DIAPH2: variants seen among roughly 807,000 people sequenced by gnomAD.
The protein encoded by DIAPH2 is protein diaphanous homolog 2.
DIAPH2 carries 35 observed loss-of-function variants against 92.7 expected under a neutral mutation model. The ratio of observed to expected loss-of-function variants is 0.38; its 90% CI spans 0.29 to 0.50. The LOEUF is 0.50. Among genes scored for constraint, DIAPH2 ranks in the 20% least tolerant of loss-of-function variants. The probability of loss-of-function intolerance (pLI) is 0.94; values close to 1 mark genes in which losing one functional copy is unlikely to be tolerated. For missense variants in DIAPH2, 701 were observed against 819.5 expected (o/e 0.86, Z 1.77); for synonymous variants, 301 against 280.4 (o/e 1.07, Z -0.73).
intron 22 of DIAPH2, among the ~76,000 whole-genome samples, chrX:97,230,783 G>A (rs2068003414): frequency 8.9e-6 from 1 of 112,057 alleles, no homozygotes; most frequent in South Asian, 3.7e-4. Context: ...CTGACCTCAG[G>A]CGATCCACCC....
chrX:96,738,847 G>A (rs1456505608), intron 3 of DIAPH2, 85 bp downstream of exon 3: 7 of 746,667 alleles, frequency 9.4e-6, no homozygotes, highest in Non-Finnish European at 1.2e-5. Flanking sequence ...TGTTTGTATG[G>A]ACAGTGTTTA....
At chrX:97,500,523 C>T (rs190601255) in intron 26 of DIAPH2, among the ~76,000 whole-genome samples, 1 of 109,905 alleles carries the variant, frequency 9.1e-6, no homozygotes, top group Admixed American at 9.8e-5. Context: ...AAGTCTCCAA[C>T]ATTGTCCTTA....
chrX:97,174,943 C>T (rs1316980981), intron 22 of DIAPH2, among the ~76,000 whole-genome samples: 1 of 111,244 alleles, frequency 9.0e-6, no homozygotes, highest in Non-Finnish European at 1.9e-5. Flanking sequence ...TAACGATATG[C>T]CATGTCTGTG....
chrX:97,345,803 T>C (rs1349345201), intron 23 of DIAPH2, among the ~76,000 whole-genome samples: 1 of 111,555 alleles, frequency 9.0e-6, no homozygotes, highest in Non-Finnish European at 1.9e-5. Flanking sequence ...AACATTCTTA[T>C]CTATGACAAT....
Position 96,771,536 on chromosome X carries a change from T to C in DIAPH2, c.447+13278T>C, listed in dbSNP as rs193103173. Among the ~76,000 whole-genome samples, 73 of 111,785 alleles carry C rather than the reference T, an allele frequency of 6.5e-4. No individual in the cohort carries two copies. In the East Asian group the frequency reaches 0.018, roughly 28 times the overall value. ...TGTAGAATGAGGTAATTATATGATG[T>C]CTTTTTTTGTGTGTTTTTGTTGTTA... On this transcript the variant is annotated intron_variant, in intron 4 of 26. Transcript: ENST00000324765.
chrX:97,369,837 T>TC (rs900017628), intron 24 of DIAPH2, among the ~76,000 whole-genome samples: 1 of 110,743 alleles, frequency 9.0e-6, no homozygotes, highest in Non-Finnish European at 1.9e-5. Flanking sequence ...AAGAATCTGT[T>TC]CCCCATACTG....
At chrX:97,075,385 T>A (rs1297773353) in intron 19 of DIAPH2, 124 bp downstream of exon 19, 1 of 369,574 alleles carries the variant, frequency 2.7e-6, no homozygotes, top group African/African-American at 2.6e-5. Flanking sequence ...TTGAATAGTT[T>A]AATAAAATCA....
At chrX:96,714,266 T>G (rs1002827348) in intron 1 of DIAPH2, among the ~76,000 whole-genome samples, 4 of 93,493 alleles carry the variant, frequency 4.3e-5, no homozygotes, top group Non-Finnish European at 8.7e-5. Context: ...TGTGTGTGTG[T>G]TTTTTTTTTT....
chrX:96,906,083 G>C (rs1361538202), intron 5 of DIAPH2, among the ~76,000 whole-genome samples: 2 of 112,393 alleles, frequency 1.8e-5, no homozygotes, highest in Non-Finnish European at 3.8e-5. Flanking sequence ...CAGCCGAGAT[G>C]GTGCCACTGC....
chrX:96,916,553 G>C lies in DIAPH2; in HGVS notation c.848G>C (p.Cys283Ser), dbSNP rs1193748766. The C allele has an allele frequency of 8.4e-7, 1 of 1,197,598 alleles. No individual in the cohort carries two copies. The highest frequency in any genetic ancestry group is 1.1e-6 in the Non-Finnish European group (1 of 889,673). Residue 283 changes from cysteine to serine, a missense_variant, in exon 8 of 27, where the codon TGC becomes TCC. By Grantham distance (112) the Cys-to-Ser change is moderately radical (BLOSUM62 -1). Coordinates refer to ENST00000324765, the MANE Select transcript of DIAPH2 (RefSeq NM_006729.5). ...ATAGTAAAAATACTTTCTGCTATTT[G>C]CATTGTTGGAGAAGAGAACATGTAA... ...TEIVKILSAI[C>S]IVGEENILDK...
chrX:97,564,548 C>G (rs1376016418), intron 26 of DIAPH2: 1 of 111,745 alleles, frequency 8.9e-6, no homozygotes, highest in South Asian at 3.8e-4. Context: ...AGGGAGCTCT[C>G]TAAGGCCTCT....
intron 26 of DIAPH2, among the ~76,000 whole-genome samples, chrX:97,481,233 T>A (rs1397924405): frequency 8.9e-6 from 1 of 112,061 alleles, no homozygotes; most frequent in Admixed American, 9.6e-5. Flanking sequence ...TGACACTTGT[T>A]AAATATGGTA....
chrX:97,574,911 A>T (rs2071391657), intron 26 of DIAPH2, among the ~76,000 whole-genome samples: 2 of 111,817 alleles, frequency 1.8e-5, no homozygotes, highest in African/African-American at 6.5e-5. Flanking sequence ...ATAGGGATCT[A>T]TTATAAGAGC....
At chrX:97,098,951 T>G (rs890106976) in intron 19 of DIAPH2, among the ~76,000 whole-genome samples, 12 of 112,300 alleles carry the variant, frequency 1.1e-4, no homozygotes, top group African/African-American at 3.6e-4. Context: ...TAGGATTGTA[T>G]TGTGTACTTA....
intron 17 of DIAPH2, among the ~76,000 whole-genome samples, chrX:96,975,933 G>A (rs915789608): frequency 3.6e-5 from 4 of 110,775 alleles, no homozygotes; most frequent in Non-Finnish European, 5.7e-5. Flanking sequence ...ATTTAAGGGG[G>A]ACATAAACCT....
intron 23 of DIAPH2, among the ~76,000 whole-genome samples, chrX:97,318,784 C>G (rs974692003): frequency 1.2e-4 from 13 of 110,725 alleles, no homozygotes; most frequent in Non-Finnish European, 2.3e-4. Context: ...CACGCCCGGC[C>G]GATTACAGTT....
intron 5 of DIAPH2, among the ~76,000 whole-genome samples, chrX:96,888,662 T>C (rs2065286560): frequency 1.9e-5 from 2 of 102,863 alleles, no homozygotes; most frequent in African/African-American, 7.1e-5. Context: ...TTACCATGTA[T>C]ATACAGATAT....
At chrX:97,022,310 C>A (rs189905751) in intron 17 of DIAPH2, among the ~76,000 whole-genome samples, 1 of 112,255 alleles carries the variant, frequency 8.9e-6, no homozygotes, top group East Asian at 2.8e-4. Context: ...GCTGCTTTCA[C>A]TGTTGACAGT....
rs149136063 is a variant in DIAPH2, at chrX:97,572,335, C to T, written c.3242-26918C>T. Reference sequence around the variant, plus strand: ...AATGCCTTCTTTTCCTGTAGATAAACGTATAACTTTTCAATAATCATTAAT... The same window carrying T: ...AATGCCTTCTTTTCCTGTAGATAAATGTATAACTTTTCAATAATCATTAAT... On this transcript the variant is annotated intron_variant, in intron 26 of 26. Coordinates refer to ENST00000324765, the MANE Select transcript of DIAPH2 (RefSeq NM_006729.5). 1.7e-4 allele frequency among the ~76,000 whole-genome samples: 19 copies of T among 111,120 alleles called. No homozygotes were observed. The East Asian group carries it at 4.3e-3, about 25-fold the overall frequency.
Sources: allele counts gnomAD v4.1 joint callset (sites outside exome capture counted in the v4.1 genomes callset), GRCh38; gene constraint gnomAD v4.1.1; transcripts MANE v1.5; gene names NCBI Gene and HGNC (gene_info 2026-07-23, HGNC 2026-07-21).